The following SIK3 variants were observed in gnomAD, a reference collection of about 807,000 sequenced individuals.
SIK3 encodes the protein serine/threonine-protein kinase SIK3.
Under a neutral mutation model 144.2 loss-of-function variants are expected in SIK3, and 28 were observed. The ratio of observed to expected loss-of-function variants is 0.19; its 90% CI spans 0.14 to 0.27. The LOEUF (loss-of-function observed/expected upper bound fraction) is 0.27. Among genes scored for constraint, SIK3 ranks in the 10% least tolerant of loss-of-function variants. The pLI is 1.00. For synonymous variants in SIK3, 686 were observed against 676.3 expected, an observed-to-expected ratio of 1.01 and a Z score of -0.22; for missense variants, 1,319 against 1,776.0, an observed-to-expected ratio of 0.74 and a Z score of 4.62.
At chr11:117,095,681 G>A (rs527550871) in intron 1 of SIK3, among the ~76,000 whole-genome samples, 7 of 152,326 alleles carry the variant, frequency 4.6e-5, no homozygotes, top group Admixed American at 4.6e-4. Context: ...GAGAAGCATG[G>A]AGCAGGCCAA....
In SIK3 at chr11:116,868,060, G is replaced by A; in HGVS notation, c.1838C>T (p.Thr613Ile). The A allele has an allele frequency of 6.4e-7, 1 of 1,550,648 alleles. No individual in the cohort carries two copies. The highest frequency in any genetic ancestry group is 8.7e-7 in the Non-Finnish European group (1 of 1,147,006). ...AGCTGTAGGGTTGGTCATGGCCAGT[G>A]TATGTCTTTTGGACCTATTTGCCAA... is the stretch of plus-strand genomic sequence containing the variant. ...RYLANRSKRH[T>I]LAMTNPTAEI... Residue 613 changes from threonine (T) to isoleucine (I), a missense_variant, in exon 15 of 25, where the codon ACA (threonine) becomes ATA (isoleucine). Transcript: ENST00000445177.
chr11:116,847,371 T>G, intron 23 of SIK3, 105 bp downstream of exon 23: 1 of 1,490,830 alleles, frequency 6.7e-7, no homozygotes, highest in Non-Finnish European at 9.2e-7. Flanking sequence ...GCTGTGGCTC[T>G]ACCTCCCCAT....
chr11:116,927,087 T>C (rs1947319771), intron 4 of SIK3, 132 bp downstream of exon 4: 1 of 636,198 alleles, frequency 1.6e-6, no homozygotes, highest in Non-Finnish European at 2.5e-6. Context: ...GGCTATTTTT[T>C]TTTTCATCTT....
At chr11:117,060,283 A>G (rs887908689) in intron 1 of SIK3, among the ~76,000 whole-genome samples, 4 of 152,214 alleles carry the variant, frequency 2.6e-5, no homozygotes, top group Admixed American at 1.3e-4. Flanking sequence ...GGTAACATCA[A>G]AACTATGGAG....
In SIK3 at chr11:116,854,491, G is replaced by A. The variant is rs1235662914; in HGVS notation, c.3655+3319C>T. 2.6e-5 allele frequency among the ~76,000 whole-genome samples: 4 copies of A among 152,202 alleles called. No individual in the cohort carries two copies. The East Asian group carries it at 7.7e-4, about 29-fold the overall frequency. ...TCAGTACCTAGCACTTCATAGCAAA[G>A]CTGTTTATGAGCTTGTTTTACATCC... On this transcript the variant is annotated intron_variant, in intron 21 of 24. Coordinates refer to ENST00000445177, the MANE Select transcript of SIK3 (RefSeq NM_001366686.3).
At chr11:116,912,968 T>C (rs779847106) in intron 4 of SIK3, among the ~76,000 whole-genome samples, 4 of 152,210 alleles carry the variant, frequency 2.6e-5, no homozygotes, top group African/African-American at 9.6e-5. Flanking sequence ...AAATGGAACA[T>C]GACGCTAATA....
chr11:117,065,102 T>C (rs1039874521), intron 1 of SIK3, among the ~76,000 whole-genome samples: 6 of 151,696 alleles, frequency 4.0e-5, no homozygotes, highest in African/African-American at 1.2e-4. Flanking sequence ...CGAGCTGAGA[T>C]TGCACCACTG....
At chr11:116,987,010 T>C (rs1950345283) in intron 1 of SIK3, among the ~76,000 whole-genome samples, 1 of 152,048 alleles carries the variant, frequency 6.6e-6, no homozygotes, top group Non-Finnish European at 1.5e-5. Flanking sequence ...GAGTTTCAGT[T>C]TTGCAAGATG....
chr11:116,848,405 A>G (rs562515460), intron 22 of SIK3, among the ~76,000 whole-genome samples: 3 of 152,306 alleles, frequency 2.0e-5, no homozygotes, highest in East Asian at 3.9e-4. Flanking sequence ...ACTGAATTTT[A>G]AATTGTTTTT....
chr11:117,038,359 C>CT (rs372851873), intron 1 of SIK3, among the ~76,000 whole-genome samples: 7,085 of 142,114 alleles, frequency 0.05, 565 homozygotes, highest in African/African-American at 0.16. Context: ...CTACAAGATA[C>CT]TTTTTTTTTT....
At chr11:116,983,634 A>G (rs1950226252) in intron 1 of SIK3, among the ~76,000 whole-genome samples, 1 of 152,362 alleles carries the variant, frequency 6.6e-6, no homozygotes, top group South Asian at 2.1e-4. Context: ...TGTTCTTAAC[A>G]TACTTCCTAT....
Position 116,849,029 on chromosome 11 carries a change from G to A in SIK3, c.3819+91C>T, listed in dbSNP as rs1319492062. The A allele has an allele frequency of 6.5e-6, 9 of 1,381,182 alleles. No homozygotes were observed. The highest frequency in any genetic ancestry group is 5.5e-4 in the Middle Eastern group (2 of 3,664). 85.6% of individuals were successfully genotyped at this position (1,381,182 alleles called of 1,614,324 possible). A position where few individuals can be genotyped will look rare whatever the true frequency, so the allele number is the denominator to read the frequency against. On this transcript the variant is annotated intron_variant, in intron 22 of 24. Coordinates refer to ENST00000445177, the MANE Select transcript of SIK3 (RefSeq NM_001366686.3). The surrounding 1 kb of genome is among the most constrained non-coding windows in gnomAD (Gnocchi z 4.2). ...AGGCTGAATGCTGACTGAGGAGAGCGGCCAAGAGAGGCTACCCCACATCAC... is the reference window on the plus strand; with the variant it reads ...AGGCTGAATGCTGACTGAGGAGAGCAGCCAAGAGAGGCTACCCCACATCAC...
intron 1 of SIK3, among the ~76,000 whole-genome samples, chr11:117,057,816 A>T (rs1953608041): frequency 6.6e-6 from 1 of 152,172 alleles, no homozygotes; most frequent in Non-Finnish European, 1.5e-5. Context: ...TCTAGGTCCT[A>T]CTTATTTACC....
At chr11:117,004,304 C>T (rs1456565554) in intron 1 of SIK3, among the ~76,000 whole-genome samples, 2 of 152,100 alleles carry the variant, frequency 1.3e-5, no homozygotes, top group Non-Finnish European at 2.9e-5. Context: ...CGCTTGAGCC[C>T]AGGAGTTTGA....
intron 1 of SIK3, among the ~76,000 whole-genome samples, chr11:117,021,896 A>T (rs1591552525): frequency 7.7e-6 from 1 of 130,694 alleles, no homozygotes; most frequent in African/African-American, 2.8e-5. Context: ...GTTTGAGACC[A>T]CCCTGGATAG....
At chr11:116,880,833 G>A (rs74341458) in intron 6 of SIK3, among the ~76,000 whole-genome samples, 13,301 of 152,126 alleles carry the variant, frequency 0.087, 738 homozygotes, top group South Asian at 0.15. Context: ...TGTCTAAAAG[G>A]TCCCTGTTGG....
Position 116,988,954 on chromosome 11 carries a change from CAAAAA to C in SIK3, c.274-31895_274-31891del, listed in dbSNP as rs1215695813. On this transcript the variant is annotated intron_variant, in intron 1 of 24. Coordinates refer to ENST00000445177, the MANE Select transcript of SIK3 (RefSeq NM_001366686.3). The stretch of plus-strand genomic sequence containing the variant: ...TACTGGAAGAAAAAACAAAACAAAA[CAAAAA>C]AAAACCCTCAAGTCTCCCTTTCTGT... 1.0e-4 allele frequency among the ~76,000 whole-genome samples: 15 copies of C among 149,990 alleles called. 1 individual carries two copies. The East Asian group carries it at 2.9e-3, about 29-fold the overall frequency.
chr11:116,901,344 C>A (rs1945730248), intron 4 of SIK3, among the ~76,000 whole-genome samples: 2 of 152,192 alleles, frequency 1.3e-5, no homozygotes, highest in Non-Finnish European at 1.5e-5. Context: ...CCTCTTGTCA[C>A]CTCCTGACTA....
intron 1 of SIK3, among the ~76,000 whole-genome samples, chr11:116,991,190 G>A (rs1171363044): frequency 6.6e-6 from 1 of 152,224 alleles, no homozygotes; most frequent in East Asian, 1.9e-4. Flanking sequence ...GCTCATGCCT[G>A]TAACCCCAGC....
Sources: allele counts gnomAD v4.1 joint callset (sites outside exome capture counted in the v4.1 genomes callset), GRCh38; gene constraint gnomAD v4.1.1; non-coding constraint Gnocchi (gnomAD v3.1); transcripts MANE v1.5; gene names NCBI Gene and HGNC (gene_info 2026-07-23, HGNC 2026-07-21).